Variants in PRKX observed in about 807,000 individuals in gnomAD.
PRKX encodes protein kinase cAMP-dependent X-linked catalytic subunit, also known as cAMP-dependent protein kinase catalytic subunit PRKX.
Under a neutral mutation model 22.0 loss-of-function variants are expected in PRKX, and 12 were observed. That is an observed-to-expected ratio of 0.54 (90% CI 0.35 to 0.88). The LOEUF is 0.88. Among genes scored for constraint, PRKX ranks in the 40% least tolerant of loss-of-function variants. The pLI, the probability that PRKX is intolerant of heterozygous loss-of-function variation, is 0.01. For missense variants in PRKX, 217 were observed against 308.0 expected (o/e 0.70, Z 2.21); for synonymous variants, 134 against 137.7 (o/e 0.97, Z 0.19).
intron 6 of PRKX, among the ~76,000 whole-genome samples, chrX:3,619,990 CA>C (rs769683948): frequency 8.9e-6 from 1 of 111,844 alleles, no homozygotes; most frequent in South Asian, 3.8e-4. Context: ...TCAGGGATGT[CA>C]AAACACGCAT....
chrX:3,628,595 G>T (rs1459039122), intron 4 of PRKX, among the ~76,000 whole-genome samples: 1 of 111,296 alleles, frequency 9.0e-6, no homozygotes, highest in Non-Finnish European at 1.9e-5. Context: ...TATTAGCTGA[G>T]TGTGGTGGTG....
chrX:3,666,135 C>T (rs1273661966), intron 2 of PRKX, among the ~76,000 whole-genome samples: 6 of 102,785 alleles, frequency 5.8e-5, no homozygotes, highest in Admixed American at 4.5e-4. Flanking sequence ...CTCAGCCTCC[C>T]GAGTAGTGAA....
At chrX:3,638,638 G>A (rs759462472) in intron 4 of PRKX, among the ~76,000 whole-genome samples, 11 of 111,836 alleles carry the variant, frequency 9.8e-5, no homozygotes, top group Non-Finnish European at 1.5e-4. Context: ...TCAGCAAAGA[G>A]TAATGGAAAA....
chrX:3,669,857 ATCTC>A (rs1048764195), intron 2 of PRKX, among the ~76,000 whole-genome samples: 14 of 111,713 alleles, frequency 1.3e-4, no homozygotes, highest in African/African-American at 3.9e-4. Flanking sequence ...CGTATCTATC[ATCTC>A]TCTCTGTCCG....
chrX:3,624,223 T>C (rs1926615733), intron 5 of PRKX, among the ~76,000 whole-genome samples: 1 of 111,418 alleles, frequency 9.0e-6, no homozygotes, highest in African/African-American at 3.3e-5. Context: ...AGGAAAGATA[T>C]GAGTCATTGA....
intron 3 of PRKX, among the ~76,000 whole-genome samples, chrX:3,650,747 T>A (rs910815090): frequency 3.3e-4 from 35 of 106,447 alleles, no homozygotes; most frequent in African/African-American, 1.2e-3. Flanking sequence ...GGTGTGGTGG[T>A]ACATGCCTGT....
At chrX:3,701,033 C>T (rs1400621060) in intron 1 of PRKX, among the ~76,000 whole-genome samples, 3 of 112,096 alleles carry the variant, frequency 2.7e-5, no homozygotes, top group Non-Finnish European at 5.6e-5. Context: ...TATTTTGAGT[C>T]ATTATGGACT....
chrX:3,673,327 T>C (rs1340183868), intron 2 of PRKX, among the ~76,000 whole-genome samples: 1 of 111,257 alleles, frequency 9.0e-6, no homozygotes, highest in Non-Finnish European at 1.9e-5. Flanking sequence ...CCTTCTCCTG[T>C]AGGGAGGTGG....
chrX:3,643,127 A>C (rs1263549057), intron 3 of PRKX, among the ~76,000 whole-genome samples: 1 of 28,713 alleles, frequency 3.5e-5, no homozygotes, highest in Non-Finnish European at 5.8e-5. Context: ...CCCCCCAAAA[A>C]AACATTTCTT....
rs56411206 is a variant in PRKX at position 3,662,998 on chromosome X, TA to T, written c.336-7587del. ...GGGCAACAGAGAAAGGCCCTGTCTTTAAAAAAAAAAAAAAAAAAAAAATTAG... is the reference window on the plus strand; with the variant it reads ...GGGCAACAGAGAAAGGCCCTGTCTTTAAAAAAAAAAAAAAAAAAAAATTAG... On this transcript the variant is annotated intron_variant, in intron 2 of 8. Coordinates refer to ENST00000262848, the MANE Select transcript of PRKX (RefSeq NM_005044.5). Among the ~76,000 whole-genome samples, 486 of 78,466 alleles carry T rather than the reference TA, an allele frequency of 6.2e-3. 2 individuals are homozygous for T. Among genetic ancestry groups the T allele is most frequent in the African/African-American group, 0.021 (428 of 20,386 alleles). 68.1% of individuals were successfully genotyped at this position (78,466 alleles called of 115,157 possible). A position where few individuals can be genotyped will look rare whatever the true frequency, so the allele number is the denominator to read the frequency against.
At chrX:3,695,523 C>T (rs1928426520) in intron 1 of PRKX, among the ~76,000 whole-genome samples, 1 of 111,185 alleles carries the variant, frequency 9.0e-6, no homozygotes, top group African/African-American at 3.3e-5. Flanking sequence ...AGCAATCCTC[C>T]CACCTCAGCC....
chrX:3,604,919 G>A lies in PRKX; in HGVS notation c.*4050C>T, dbSNP rs369407328. ...ACAGAGCATCCCTGCTATTAGGAAGGGACTGTTCTGCGGGGTGCAAGGCCA... is the reference window on the plus strand; with the variant it reads ...ACAGAGCATCCCTGCTATTAGGAAGAGACTGTTCTGCGGGGTGCAAGGCCA... On this transcript the variant is annotated 3_prime_UTR_variant, in exon 9 of 9. Coordinates refer to ENST00000262848, the MANE Select transcript of PRKX (RefSeq NM_005044.5). The A allele has an allele frequency of 1.6e-4, 17 of 109,340 alleles. No individual in the cohort carries two copies. In the East Asian group the frequency reaches 2.9e-3, roughly 19 times the overall value. 9.0% of individuals were successfully genotyped at this position (109,340 alleles called of 1,213,427 possible). A position where few individuals can be genotyped will look rare whatever the true frequency, so the allele number is the denominator to read the frequency against.
chrX:3,692,773 C>T (rs113654881), intron 1 of PRKX, among the ~76,000 whole-genome samples: 2,766 of 110,999 alleles, frequency 0.025, 30 homozygotes, highest in Non-Finnish European at 0.037. Flanking sequence ...GTGGTCCACC[C>T]GCCTCAGCCT....
intron 4 of PRKX, among the ~76,000 whole-genome samples, chrX:3,631,880 AAGAG>A (rs1296775921): frequency 8.9e-6 from 1 of 112,732 alleles, no homozygotes; most frequent in African/African-American, 3.2e-5. Context: ...CTCCCGGACT[AAGAG>A]AGGATAAAGT....
intron 1 of PRKX, among the ~76,000 whole-genome samples, chrX:3,712,405 C>T (rs959333253): frequency 3.6e-5 from 4 of 111,817 alleles, no homozygotes; most frequent in Non-Finnish European, 7.5e-5. Context: ...CTCGAAACCT[C>T]TCTGTCAAGC....
chrX:3,618,620 TAAAA>T, intron 6 of PRKX, among the ~76,000 whole-genome samples: 1 of 108,712 alleles, frequency 9.2e-6, no homozygotes, highest in South Asian at 3.9e-4. Flanking sequence ...TGTGTTAATT[TAAAA>T]AAAAAATAAA....
chrX:3,669,358 CCATCCAT>C (rs1165500572), intron 2 of PRKX, among the ~76,000 whole-genome samples: 2 of 110,913 alleles, frequency 1.8e-5, no homozygotes, highest in African/African-American at 6.7e-5. Flanking sequence ...ATCCATCCAT[CCATCCAT>C]CAACTATCTG....
intron 1 of PRKX, among the ~76,000 whole-genome samples, chrX:3,691,019 G>A (rs1313843646): frequency 1.8e-5 from 2 of 111,304 alleles, no homozygotes; most frequent in African/African-American, 3.3e-5. Flanking sequence ...AATCAGAGAC[G>A]GTAGAGACCG....
At chrX:3,653,879 GAT>G (rs779238300) in intron 3 of PRKX, among the ~76,000 whole-genome samples, 4 of 61,091 alleles carry the variant, frequency 6.5e-5, no homozygotes, top group Non-Finnish European at 8.4e-5. Flanking sequence ...TATACTATGT[GAT>G]ATATATATTA....
Sources: allele counts gnomAD v4.1 joint callset (sites outside exome capture counted in the v4.1 genomes callset), GRCh38; gene constraint gnomAD v4.1.1; transcripts MANE v1.5; gene names NCBI Gene and HGNC (gene_info 2026-07-23, HGNC 2026-07-21).